IQCB1: variants seen among roughly 807,000 people sequenced by gnomAD.
IQCB1 encodes the protein IQ motif containing B1.
Under a neutral mutation model 84.4 loss-of-function variants are expected in IQCB1, and 56 were observed. The ratio of observed to expected loss-of-function variants is 0.66; its 90% CI spans 0.54 to 0.83. The LOEUF (loss-of-function observed/expected upper bound fraction) is 0.83. IQCB1 is among the 40% of genes least tolerant of loss of function. IQCB1 has a pLI of 0.00. For missense variants in IQCB1, 629 were observed against 682.1 expected (o/e 0.92, Z 0.87); for synonymous variants, 210 against 234.8 (o/e 0.89, Z 0.96).
intron 2 of IQCB1, among the ~76,000 whole-genome samples, chr3:121,829,685 T>C (rs1252831362): frequency 1.3e-5 from 2 of 152,216 alleles, no homozygotes; most frequent in South Asian, 2.1e-4. Flanking sequence ...AAGCATATCC[T>C]ACGTAACTCC....
intron 5 of IQCB1, among the ~76,000 whole-genome samples, chr3:121,824,443 G>A (rs1054128700): frequency 2.6e-5 from 4 of 152,056 alleles, no homozygotes; most frequent in Non-Finnish European, 5.9e-5. Context: ...TATTGGCCAT[G>A]GGTAACTGAA....
At chr3:121,797,300 A>G in intron 8 of IQCB1, 73 bp from the exon 9 acceptor site, 2 of 676,320 alleles carry the variant, frequency 3.0e-6, no homozygotes, top group Non-Finnish European at 5.0e-6. Context: ...AATCAGTATT[A>G]ATTTGAAGCT....
At chr3:121,775,258 T>C (rs992097359) in intron 13 of IQCB1, among the ~76,000 whole-genome samples, 1 of 152,084 alleles carries the variant, frequency 6.6e-6, no homozygotes, top group African/African-American at 2.4e-5. Flanking sequence ...CTTAAGAGAT[T>C]CACTGGCCAT....
At position 121,772,637 on chromosome 3, in the gene IQCB1, C is replaced by A. The variant is rs767290661; in HGVS notation, c.1487G>T (p.Gly496Val). 2 of 1,614,172 alleles carry A rather than the reference C, an allele frequency of 1.2e-6. No individual in the cohort carries two copies. The highest frequency in any genetic ancestry group is 8.5e-7 in the Non-Finnish European group (1 of 1,180,024). ...AQERLQHYFM[G>V]RALEERAQQH... is the part of the protein sequence containing the mutation. The stretch of plus-strand genomic sequence containing the variant: ...CTGGGCTCGCTCTTCTAGGGCCCTG[C>A]CCATAAAGTAGTGTTGCAGTCGTTC... Residue 496 changes from glycine to valine, a missense_variant, in exon 14 of 15, where the codon GGC becomes GTC. Physicochemically the swap from Gly to Val is moderately radical, Grantham distance 109 (BLOSUM62 -3). Coordinates refer to ENST00000310864, the MANE Select transcript of IQCB1 (RefSeq NM_001023570.4).
At chr3:121,817,869 A>G (rs1054233961) in intron 5 of IQCB1, among the ~76,000 whole-genome samples, 1 of 152,010 alleles carries the variant, frequency 6.6e-6, no homozygotes, top group Admixed American at 6.6e-5. Flanking sequence ...CATGAAAGAG[A>G]CAAGAGAGCT....
chr3:121,821,982 AT>A lies in IQCB1; in HGVS notation c.393+4068del, dbSNP rs1483307124. Among the ~76,000 whole-genome samples the A allele has an allele frequency of 3.3e-5, 5 of 152,316 alleles. No individual in the cohort carries two copies. In the East Asian group the frequency reaches 9.6e-4, roughly 29 times the overall value. On this transcript the variant is annotated intron_variant, in intron 5 of 14. Transcript: ENST00000310864. ...GTTGAGGGCTTGAGTAGAACAAAAG[AT>A]TGACCCTCTCCCACATAAAGGGAAA...
intron 7 of IQCB1, among the ~76,000 whole-genome samples, chr3:121,803,338 A>C (rs936640367): frequency 6.6e-6 from 1 of 152,204 alleles, no homozygotes; most frequent in South Asian, 2.1e-4. Context: ...GGTGTGAGCC[A>C]CCGTGCCCGG....
chr3:121,775,853 G>C (rs937310187), intron 13 of IQCB1, among the ~76,000 whole-genome samples: 4 of 151,952 alleles, frequency 2.6e-5, no homozygotes, highest in African/African-American at 9.7e-5. Flanking sequence ...ACGTTTCCTT[G>C]TTTCCTTTTG....
At chr3:121,810,328 T>C (rs1456944199) in intron 5 of IQCB1, among the ~76,000 whole-genome samples, 1 of 152,190 alleles carries the variant, frequency 6.6e-6, no homozygotes, top group Non-Finnish European at 1.5e-5. Flanking sequence ...CCTAGGTAAA[T>C]AGACTAATAA....
At chr3:121,823,517 T>C (rs544549441) in intron 5 of IQCB1, among the ~76,000 whole-genome samples, 2 of 151,824 alleles carry the variant, frequency 1.3e-5, no homozygotes, top group African/African-American at 2.4e-5. Flanking sequence ...TGAATTTACA[T>C]CAGAAACAAA....
chr3:121,802,627 T>C (rs1241892243), intron 7 of IQCB1, among the ~76,000 whole-genome samples: 1 of 152,172 alleles, frequency 6.6e-6, no homozygotes, highest in Non-Finnish European at 1.5e-5. Context: ...GTTTATGGTT[T>C]ATTTCTCTAT....
At chr3:121,820,165 C>T (rs1950222788) in intron 5 of IQCB1, among the ~76,000 whole-genome samples, 2 of 152,092 alleles carry the variant, frequency 1.3e-5, no homozygotes, top group South Asian at 2.1e-4. Context: ...TCAACTGATA[C>T]ACAGGGTTAA....
At chr3:121,773,044 C>T (rs35713885) in intron 13 of IQCB1, among the ~76,000 whole-genome samples, 41,842 of 151,656 alleles carry the variant, frequency 0.28, 6,287 homozygotes, top group Admixed American at 0.44. Context: ...GGCCTGGGGC[C>T]GGGTGTGGTG....
chr3:121,783,491 A>G (rs1368012177), intron 12 of IQCB1, among the ~76,000 whole-genome samples: 1 of 152,198 alleles, frequency 6.6e-6, no homozygotes, highest in East Asian at 1.9e-4. Context: ...ATAGTACACT[A>G]TAATTACTTT....
intron 2 of IQCB1, among the ~76,000 whole-genome samples, chr3:121,830,580 C>G (rs922760616): frequency 6.6e-6 from 1 of 152,078 alleles, no homozygotes; most frequent in Admixed American, 6.5e-5. Flanking sequence ...GTAGATAGAG[C>G]GTGTGATCAT....
chr3:121,794,937 G>C (rs913108574), intron 10 of IQCB1, among the ~76,000 whole-genome samples: 1 of 152,024 alleles, frequency 6.6e-6, no homozygotes. Context: ...CTTGTTCTGT[G>C]ACCTTGGAGG....
chr3:121,833,161 G>A (rs1375139564), intron 2 of IQCB1, among the ~76,000 whole-genome samples: 1 of 152,150 alleles, frequency 6.6e-6, no homozygotes, highest in Admixed American at 6.5e-5. Context: ...AACAATTCCT[G>A]GCACATAGTA....
At chr3:121,822,294 TG>T (rs1950302367) in intron 5 of IQCB1, among the ~76,000 whole-genome samples, 1 of 152,226 alleles carries the variant, frequency 6.6e-6, no homozygotes, top group Non-Finnish European at 1.5e-5. Flanking sequence ...TATCTTCTAT[TG>T]GTTCTGTTTT....
intron 13 of IQCB1, among the ~76,000 whole-genome samples, chr3:121,774,700 G>C (rs1948150228): frequency 6.6e-6 from 1 of 152,164 alleles, no homozygotes; most frequent in Non-Finnish European, 1.5e-5. Flanking sequence ...CAAATTCATG[G>C]AGACAGAAAG....
Sources: gnomAD v4.1 joint callset for allele counts (sites outside exome capture counted in the v4.1 genomes callset) on GRCh38, gnomAD v4.1.1 for gene constraint, MANE v1.5 for transcripts, NCBI Gene and HGNC (gene_info 2026-07-23, HGNC 2026-07-21) for gene names.